KCNIP4: variants seen among roughly 807,000 people sequenced by gnomAD.
KCNIP4 encodes the protein Kv channel-interacting protein 4.
In KCNIP4, 12 loss-of-function variants were observed where a neutral mutation model predicts 34.0. That is an observed-to-expected ratio of 0.35 (90% CI 0.23 to 0.57). The LOEUF is 0.57. KCNIP4 is among the 20% of genes least tolerant of loss of function. The pLI is 0.83. For synonymous variants in KCNIP4, 124 were observed against 102.2 expected (o/e 1.21, Z -1.29); for missense variants, 238 against 311.7 (o/e 0.76, Z 1.78).
At chr4:21,054,035 A>G (rs571521245) in intron 1 of KCNIP4, among the ~76,000 whole-genome samples, 4 of 152,294 alleles carry the variant, frequency 2.6e-5, no homozygotes, top group African/African-American at 7.2e-5. Flanking sequence ...CAAAATGTAG[A>G]TATTGACAAA....
chr4:21,706,848 G>T lies in KCNIP4; in HGVS notation c.61+241723C>A, dbSNP rs139854487. On this transcript the variant is annotated intron_variant, in intron 1 of 8. Coordinates refer to ENST00000382152, the MANE Select transcript of KCNIP4 (RefSeq NM_025221.6). Reference sequence around the variant, plus strand: ...CAGCATAAAAATAGCACACCATGGGGCTGCAAAGAGAAGCAGAGCAGAGCC... The same window carrying T: ...CAGCATAAAAATAGCACACCATGGGTCTGCAAAGAGAAGCAGAGCAGAGCC... Among the ~76,000 whole-genome samples, 267 of 152,248 alleles carry T rather than the reference G, an allele frequency of 1.8e-3. 10 individuals carry two copies. In the South Asian group the frequency reaches 0.037, roughly 21 times the overall value.
intron 1 of KCNIP4, among the ~76,000 whole-genome samples, chr4:21,396,206 G>T (rs374989774): frequency 6.6e-6 from 1 of 151,530 alleles, no homozygotes; most frequent in Non-Finnish European, 1.5e-5. Context: ...CAAAATATCA[G>T]TTCAGTCTTC....
intron 1 of KCNIP4, among the ~76,000 whole-genome samples, chr4:21,147,729 A>G (rs1186653307): frequency 6.6e-6 from 1 of 151,926 alleles, no homozygotes; most frequent in Non-Finnish European, 1.5e-5. Context: ...TCTTTAGGTT[A>G]GGAGTTCGAG....
At chr4:20,904,331 G>A (rs59861125) in intron 1 of KCNIP4, among the ~76,000 whole-genome samples, 120,850 of 143,406 alleles carry the variant, frequency 0.84, 51,288 homozygotes, top group African/African-American at 0.94. Context: ...GTGTGTGTGT[G>A]TATATATATA....
intron 1 of KCNIP4, among the ~76,000 whole-genome samples, chr4:21,398,012 A>T (rs986511546): frequency 2.3e-4 from 35 of 152,208 alleles, no homozygotes; most frequent in African/African-American, 8.4e-4. Context: ...TGCAGAGATG[A>T]CTTGGGGACA....
At chr4:21,358,519 A>C (rs865849447) in intron 1 of KCNIP4, among the ~76,000 whole-genome samples, 26 of 152,128 alleles carry the variant, frequency 1.7e-4, no homozygotes, top group African/African-American at 5.8e-4. Context: ...AGTGATATGC[A>C]AACTGCAAAG....
At chr4:20,803,007 G>A (rs1343744328) in intron 3 of KCNIP4, among the ~76,000 whole-genome samples, 8 of 149,406 alleles carry the variant, frequency 5.4e-5, no homozygotes, top group East Asian at 4.0e-4. Context: ...TCTGGGAGGC[G>A]TAGCATGCAG....
intron 1 of KCNIP4, among the ~76,000 whole-genome samples, chr4:20,884,617 C>G (rs1330843536): frequency 6.6e-6 from 1 of 151,974 alleles, no homozygotes; most frequent in African/African-American, 2.4e-5. Flanking sequence ...CCCCTTTATG[C>G]CATTTCAAAC....
At chr4:20,960,535 A>G (rs899651713) in intron 1 of KCNIP4, among the ~76,000 whole-genome samples, 12 of 152,158 alleles carry the variant, frequency 7.9e-5, no homozygotes, top group African/African-American at 2.7e-4. Flanking sequence ...ACCAGAAAAT[A>G]TTTCACCTCA....
chr4:21,664,864 T>C (rs1053281939), intron 1 of KCNIP4, among the ~76,000 whole-genome samples: 3 of 152,200 alleles, frequency 2.0e-5, no homozygotes, highest in Non-Finnish European at 4.4e-5. Context: ...TTAAATGTTT[T>C]CCATATATAA....
At chr4:21,211,762 G>A (rs1379207549) in intron 1 of KCNIP4, among the ~76,000 whole-genome samples, 2 of 151,954 alleles carry the variant, frequency 1.3e-5, no homozygotes, top group Non-Finnish European at 2.9e-5. Flanking sequence ...TCTGAGTTAG[G>A]GACACAATTA....
At chr4:21,184,972 G>T (rs1047581047) in intron 1 of KCNIP4, among the ~76,000 whole-genome samples, 10 of 151,994 alleles carry the variant, frequency 6.6e-5, no homozygotes, top group African/African-American at 2.2e-4. Flanking sequence ...AATATTTTTG[G>T]TTGCCACCAG....
chr4:20,787,681 T>C (rs528362037), intron 3 of KCNIP4, among the ~76,000 whole-genome samples: 13 of 152,262 alleles, frequency 8.5e-5, no homozygotes, highest in African/African-American at 3.1e-4. Context: ...CAATTTTAAA[T>C]ACATTTTATT....
intron 1 of KCNIP4, among the ~76,000 whole-genome samples, chr4:21,667,552 G>T (rs116081202): frequency 6.6e-6 from 1 of 152,192 alleles, no homozygotes; most frequent in Non-Finnish European, 1.5e-5. Context: ...AGTTTGTCCA[G>T]ACATGATATT....
chr4:20,751,220 G>A (rs199777972), intron 4 of KCNIP4, among the ~76,000 whole-genome samples: 9 of 152,134 alleles, frequency 5.9e-5, no homozygotes, highest in Middle Eastern at 3.2e-3. Flanking sequence ...TACCAGCACC[G>A]TTTTCAGTGA....
At chr4:21,174,171 A>T (rs1169526079) in intron 1 of KCNIP4, among the ~76,000 whole-genome samples, 1 of 152,216 alleles carries the variant, frequency 6.6e-6, no homozygotes, top group African/African-American at 2.4e-5. Flanking sequence ...ACCCACATTT[A>T]AAAAAACTTG....
At chr4:21,501,688 T>TGTGTGTGTGTGTGTGTGTGTG (rs1553893355) in intron 1 of KCNIP4, among the ~76,000 whole-genome samples, 3 of 127,320 alleles carry the variant, frequency 2.4e-5, no homozygotes, top group East Asian at 4.3e-4. Flanking sequence ...TGCAGAAGCC[T>TGTGTGTGTGTGTGTGTGTGTG]TGTGTGTGTG....
chr4:20,901,235 T>C (rs2149552132), intron 1 of KCNIP4, among the ~76,000 whole-genome samples: 1 of 152,326 alleles, frequency 6.6e-6, no homozygotes, highest in South Asian at 2.1e-4. Flanking sequence ...CAGAAAATGT[T>C]AAAGCTCAAT....
intron 2 of KCNIP4, among the ~76,000 whole-genome samples, chr4:20,860,327 G>A (rs190701560): frequency 6.6e-6 from 1 of 152,070 alleles, no homozygotes; most frequent in Non-Finnish European, 1.5e-5. Context: ...TAGTAGAGAG[G>A]GGGTTTCACT....
Sources: allele counts gnomAD v4.1 joint callset (sites outside exome capture counted in the v4.1 genomes callset), GRCh38; gene constraint gnomAD v4.1.1; transcripts MANE v1.5; gene names NCBI Gene and HGNC (gene_info 2026-07-23, HGNC 2026-07-21).